Variants in LATS2 observed in about 807,000 individuals in gnomAD.
LATS2 encodes the protein large tumor suppressor kinase 2, also known as serine/threonine-protein kinase LATS2.
In LATS2, 24 loss-of-function variants were observed where a neutral mutation model predicts 76.0. The ratio of observed to expected loss-of-function variants is 0.32; its 90% confidence interval spans 0.23 to 0.44. LATS2 has a LOEUF of 0.44. Ranked by LOEUF, LATS2 falls within the 20% of genes least tolerant of loss-of-function variation. The pLI, the probability that LATS2 is intolerant of heterozygous loss-of-function variation, is 1.00. For synonymous variants in LATS2, 692 were observed against 635.4 expected, an observed-to-expected ratio of 1.09 and a Z score of -1.34; for missense variants, 1,286 against 1,481.2, an observed-to-expected ratio of 0.87 and a Z score of 2.16.
intron 2 of LATS2, among the ~76,000 whole-genome samples, chr13:20,992,586 A>C (rs971231056): frequency 6.6e-6 from 1 of 152,220 alleles, no homozygotes; most frequent in Admixed American, 6.5e-5. Context: ...GGACAAGGGC[A>C]AAAACAGGCA....
intron 1 of LATS2, among the ~76,000 whole-genome samples, chr13:21,050,705 G>A (rs945170144): frequency 6.6e-6 from 1 of 152,232 alleles, no homozygotes. Flanking sequence ...GAGCTGTGAG[G>A]AGCTGCAGCG....
intron 2 of LATS2, among the ~76,000 whole-genome samples, chr13:21,042,706 T>G (rs906096254): frequency 1.3e-5 from 2 of 151,624 alleles, no homozygotes; most frequent in Admixed American, 1.3e-4. Flanking sequence ...ACAGTAGGAG[T>G]GGCTGGGCAT....
At chr13:21,046,671 C>A (rs917122700) in intron 1 of LATS2, among the ~76,000 whole-genome samples, 1 of 152,308 alleles carries the variant, frequency 6.6e-6, no homozygotes, top group East Asian at 1.9e-4. Flanking sequence ...ACCTCTCCCC[C>A]CTCACATGAG....
intron 1 of LATS2, among the ~76,000 whole-genome samples, chr13:21,050,636 T>C (rs937788254): frequency 1.1e-4 from 16 of 152,212 alleles, no homozygotes; most frequent in Non-Finnish European, 2.2e-4. Flanking sequence ...AGGTTACTCC[T>C]GGTCTGGGCT....
chr13:21,019,544 T>C (rs1213119082), intron 2 of LATS2, among the ~76,000 whole-genome samples: 1 of 144,052 alleles, frequency 6.9e-6, no homozygotes, highest in African/African-American at 2.6e-5. Flanking sequence ...GGTTTCACCA[T>C]GTTGGCCAGG....
intron 7 of LATS2, 96 bp downstream of exon 7, chr13:20,979,595 C>A: frequency 1.8e-6 from 1 of 568,228 alleles, no homozygotes. Flanking sequence ...TCCTACCCTA[C>A]TCAGAATAAG....
Position 20,979,796 on chromosome 13 carries a change from C to A in LATS2, c.2667G>T (p.Gly889=), listed in dbSNP as rs755228774. 1.9e-6 allele frequency: 3 copies of A among 1,575,626 alleles called. No individual in the cohort carries two copies. Among genetic ancestry groups the A allele is most frequent in the East Asian group, 4.5e-5 (2 of 44,546 alleles). The change falls in exon 7 of 8, where the codon GGG becomes GGT. Residue 889 remains glycine (G), a splice_region_variant and synonymous_variant. Coordinates refer to ENST00000382592, the MANE Select transcript of LATS2 (RefSeq NM_014572.3). ...YIAPEVLLRK[G]YTQLCDWWSV... ...TCCACCAGTCACAGAGTTGAGTGTACCCTGCAAGACAAAGTTCACTCAATC... is the reference window on the plus strand; with the variant it reads ...TCCACCAGTCACAGAGTTGAGTGTAACCTGCAAGACAAAGTTCACTCAATC...
rs754998895 is a variant in LATS2 at position 20,988,488 on chromosome 13, G to C, written c.1292C>G (p.Thr431Ser). ...GTGCGCGGCCGTGACAGCCGTCACG[G>C]TGTTGGGGGCGGGCAGGGAGGGCTC... ...KAEPSLPAPN[T>S]VTAVTAAHIL... is the part of the protein sequence containing the mutation. The change falls in exon 4 of 8, where the codon ACC becomes AGC. Residue 431 changes from threonine to serine, a missense_variant. Physicochemically the swap from Thr to Ser is moderately conservative, Grantham distance 58. Coordinates refer to ENST00000382592, the MANE Select transcript of LATS2 (RefSeq NM_014572.3). 1 of 1,548,724 alleles carries C rather than the reference G, an allele frequency of 6.5e-7. No homozygotes were observed. The highest frequency in any genetic ancestry group is 1.9e-5 in the Admixed American group (1 of 51,562).
chr13:21,007,683 GTATATATATATATATAGTA>G (rs1871375305), intron 2 of LATS2, among the ~76,000 whole-genome samples: 2 of 354 alleles, frequency 5.6e-3, no homozygotes, highest in African/African-American at 7.0e-3. Context: ...TATATATATA[GTATATATATATATATAGTA>G]TGTATATATA....
rs1400370093 is a variant in LATS2, at chr13:21,045,934, C to T, written c.93G>A (p.Lys31=). 1 of 1,614,096 alleles carries T rather than the reference C, an allele frequency of 6.2e-7. No homozygotes were observed. Among genetic ancestry groups the T allele is most frequent in the African/African-American group, 1.3e-5 (1 of 74,926 alleles). Residue 31 remains lysine, a synonymous_variant, in exon 2 of 8, where the codon AAG becomes AAA. Transcript: ENST00000382592. ...EIREGLKQPS[K]SSVQGLPAGP... is the part of the protein sequence containing the mutation. ...CTGCGGGTAGCCCCTGAACCGAAGA[C>T]TTGGATGGCTGTTTTAACCCCTCAC...
chr13:20,976,689 G>A (rs191771861), intron 7 of LATS2, among the ~76,000 whole-genome samples: 1 of 152,146 alleles, frequency 6.6e-6, no homozygotes, highest in Admixed American at 6.5e-5. Flanking sequence ...ATGAAAATAA[G>A]CTCAATATAA....
Position 20,988,155 on chromosome 13 carries a change from T to TGCTCCA in LATS2, c.1619_1624dup (p.Glu541_Gln542insLeuGlu), listed in dbSNP as rs1870255692. 6.2e-7 allele frequency: 1 copy of TGCTCCA among 1,613,974 alleles called. No individual in the cohort carries two copies. Among genetic ancestry groups the TGCTCCA allele is most frequent in the African/African-American group, 1.3e-5 (1 of 74,952 alleles). On this transcript the variant is annotated inframe_insertion, in exon 4 of 8. Transcript: ENST00000382592. The stretch of plus-strand genomic sequence containing the variant: ...CTCGTTGGGGCCCGCACGGAGGCTC[T>TGCTCCA]GCTCCATGCCTGCGCACAGGCTGTC...
chr13:21,024,093 C>CA (rs748881098), intron 2 of LATS2, among the ~76,000 whole-genome samples: 1,781 of 78,462 alleles, frequency 0.023, 24 homozygotes, highest in African/African-American at 0.044. Context: ...TCTCGCTGTG[C>CA]AAAAAAAAAA....
chr13:21,046,141 C>G lies in LATS2; in HGVS notation c.-115G>C. 1 of 794,422 alleles carries G rather than the reference C, an allele frequency of 1.3e-6. No homozygotes were observed. The highest frequency in any genetic ancestry group is 1.9e-6 in the Non-Finnish European group (1 of 517,458). 49.2% of individuals were successfully genotyped at this position (794,422 alleles called of 1,614,324 possible). Reference sequence around the variant, plus strand: ...TGTAAACATACTTTCAAAATAATTTCCTTTTGAAAATGTTCTTTCCTTCCA... The same window carrying G: ...TGTAAACATACTTTCAAAATAATTTGCTTTTGAAAATGTTCTTTCCTTCCA... On this transcript the variant is annotated 5_prime_UTR_variant, in exon 2 of 8. Coordinates refer to ENST00000382592, the MANE Select transcript of LATS2 (RefSeq NM_014572.3).
intron 2 of LATS2, among the ~76,000 whole-genome samples, chr13:21,007,362 T>C (rs1489604613): frequency 6.7e-6 from 1 of 149,598 alleles, no homozygotes; most frequent in African/African-American, 2.5e-5. Context: ...GCATCCTCCA[T>C]ACTGATTATA....
intron 4 of LATS2, among the ~76,000 whole-genome samples, chr13:20,984,407 A>G (rs35435171): frequency 0.026 from 4,027 of 152,306 alleles, 72 homozygotes; most frequent in Non-Finnish European, 0.042. Flanking sequence ...AGAGCCATCT[A>G]ATCTTTCAGT....
At chr13:20,982,316 T>C (rs572043136) in intron 5 of LATS2, among the ~76,000 whole-genome samples, 1 of 152,292 alleles carries the variant, frequency 6.6e-6, no homozygotes, top group African/African-American at 2.4e-5. Flanking sequence ...CTTTTATTTA[T>C]TTTATTTTAT....
At chr13:21,048,487 C>G (rs1595256998) in intron 1 of LATS2, among the ~76,000 whole-genome samples, 1 of 152,160 alleles carries the variant, frequency 6.6e-6, no homozygotes, top group East Asian at 1.9e-4. Context: ...ACTCGGCCAT[C>G]TACTCATCTA....
chr13:21,004,901 G>C (rs144863654), intron 2 of LATS2, among the ~76,000 whole-genome samples: 1 of 152,190 alleles, frequency 6.6e-6, no homozygotes, highest in African/African-American at 2.4e-5. Context: ...AAAATCCACA[G>C]GGGGAGTCAT....
Sources: gnomAD v4.1 joint callset for allele counts (sites outside exome capture counted in the v4.1 genomes callset) on GRCh38, gnomAD v4.1.1 for gene constraint, MANE v1.5 for transcripts, NCBI Gene and HGNC (gene_info 2026-07-23, HGNC 2026-07-21) for gene names.